The following EXD2 variants were observed in gnomAD, a reference collection of about 807,000 sequenced individuals.
EXD2 encodes exonuclease 3'-5' domain containing 2, also known as exonuclease 3'-5' domain-containing protein 2.
In EXD2, 40 loss-of-function variants were observed where a neutral mutation model predicts 62.5. The observed-to-expected ratio is 0.64, with a 90% CI of 0.50 to 0.83. The LOEUF (loss-of-function observed/expected upper bound fraction) is 0.83. Among genes scored for constraint, EXD2 ranks in the 40% least tolerant of loss-of-function variants. EXD2 has a pLI of 0.00. For synonymous variants in EXD2, 239 were observed against 291.9 expected (o/e 0.82, Z 1.85); for missense variants, 671 against 761.8 (o/e 0.88, Z 1.40).
chr14:69,208,355 C>T (rs560690863), intron 2 of EXD2, among the ~76,000 whole-genome samples: 57 of 149,646 alleles, frequency 3.8e-4, no homozygotes, highest in Non-Finnish European at 7.1e-4. Flanking sequence ...CGGCAACAGG[C>T]GCCCGCCACC....
intron 3 of EXD2, among the ~76,000 whole-genome samples, chr14:69,213,666 T>C (rs1339641382): frequency 6.7e-6 from 1 of 149,982 alleles, no homozygotes; most frequent in East Asian, 2.0e-4. Context: ...TCCAGCTGTA[T>C]TTACCTTTTT....
chr14:69,218,872 T>C (rs1685212226), intron 3 of EXD2, among the ~76,000 whole-genome samples: 1 of 152,236 alleles, frequency 6.6e-6, no homozygotes, highest in Admixed American at 6.5e-5. Context: ...TCTATATCTC[T>C]GTTTTGGTAC....
intron 7 of EXD2, 122 bp downstream of exon 7, chr14:69,236,274 G>T: frequency 6.6e-7 from 1 of 1,515,218 alleles, no homozygotes. Flanking sequence ...AGATGCATGG[G>T]ACTGGGTAGG....
In EXD2 at chr14:69,209,822, G is replaced by GT; in HGVS notation, c.333+21dup. Reference sequence around the variant, plus strand: ...TGAGTGGGTAAGTTAAAAAGCAAAAGTTAAAAAAAAAAAAAAAAAACAACT... The same window carrying GT: ...TGAGTGGGTAAGTTAAAAAGCAAAAGTTTAAAAAAAAAAAAAAAAAACAACT... On this transcript the variant is annotated intron_variant, in intron 3 of 9. Transcript: ENST00000685843. The GT allele has an allele frequency of 4.1e-6, 3 of 731,098 alleles. No individual in the cohort carries two copies. Among genetic ancestry groups the GT allele is most frequent in the South Asian group, 3.6e-5 (1 of 27,492 alleles). The allele number at this position is 731,098 out of a possible 1,614,324, so 45.3% of individuals were successfully genotyped here.
chr14:69,209,101 GT>G (rs1164501621), intron 2 of EXD2: 13 of 156,280 alleles, frequency 8.3e-5, no homozygotes, highest in East Asian at 5.6e-4. Context: ...CTAGCTTATT[GT>G]TTTTTTTTCT....
At position 69,240,892 on chromosome 14, in the gene EXD2, A is replaced by T; in HGVS notation, c.1658A>T (p.Asn553Ile). The T allele has an allele frequency of 6.2e-7, 1 of 1,611,938 alleles. No individual in the cohort carries two copies. Among genetic ancestry groups the T allele is most frequent in the East Asian group, 2.2e-5 (1 of 44,802 alleles). The change falls in exon 10 of 10, where the codon AAT becomes ATT. Residue 553 changes from asparagine to isoleucine, a missense_variant. Coordinates refer to ENST00000685843, the MANE Select transcript of EXD2 (RefSeq NM_001193360.2). ...TTTTCATGTTTTGGCAGAATCTCCA[A>T]TGAAAACTATGTTCCTCACGGGCTG... Reference protein sequence around the residue: ...EAASLETRISNENYVPHGLKV... With the variant: ...EAASLETRISIENYVPHGLKV...
chr14:69,240,948 C>T lies in EXD2; in HGVS notation c.1714C>T (p.Leu572=), dbSNP rs2043962360. The change falls in exon 10 of 10, where the codon CTG becomes TTG. Residue 572 remains leucine (L), a synonymous_variant. Transcript: ENST00000685843. ...KVVQCHSQGG[L]RSLMQLESRW... ...GGTGCAGTGTCACAGCCAGGGTGGC[C>T]TGCGCTCCCTCATGCAGCTGGAGAG... The T allele has an allele frequency of 6.2e-7, 1 of 1,613,640 alleles. No homozygotes were observed.
At chr14:69,206,316 G>C (rs1035846657) in intron 2 of EXD2, among the ~76,000 whole-genome samples, 2 of 152,062 alleles carry the variant, frequency 1.3e-5, no homozygotes, top group African/African-American at 2.4e-5. Flanking sequence ...CTGGTTTGTG[G>C]ATAGGGTGGC....
At position 69,243,864 on chromosome 14, in the gene EXD2, G is replaced by A. The variant is rs752084294; in HGVS notation, c.*2764G>A. The stretch of plus-strand genomic sequence containing the variant: ...CCTCTCTGCATGCTCCCTGATCATT[G>A]TGTTTGCAGGTTCAGCATTTCTTCT... On this transcript the variant is annotated 3_prime_UTR_variant, in exon 10 of 10. Coordinates refer to ENST00000685843, the MANE Select transcript of EXD2 (RefSeq NM_001193360.2). 1 of 152,068 alleles carries A rather than the reference G, an allele frequency of 6.6e-6. No individual in the cohort carries two copies. Among genetic ancestry groups the A allele is most frequent in the Admixed American group, 6.6e-5 (1 of 15,266 alleles). The allele number at this position is 152,068 out of a possible 1,614,324, so 9.4% of individuals were successfully genotyped here.
chr14:69,220,460 C>T (rs1375163557), intron 3 of EXD2, among the ~76,000 whole-genome samples: 6 of 147,254 alleles, frequency 4.1e-5, no homozygotes, highest in Admixed American at 1.3e-4. Flanking sequence ...TTAGTAGAGA[C>T]GGGGTTTCAC....
chr14:69,235,140 C>A, intron 6 of EXD2, 109 bp downstream of exon 6: 2 of 955,858 alleles, frequency 2.1e-6, no homozygotes, highest in Non-Finnish European at 3.0e-6. Flanking sequence ...GGAGCAGCAG[C>A]TCTCCCGGGG....
intron 3 of EXD2, among the ~76,000 whole-genome samples, chr14:69,212,354 G>GC (rs1731275829): frequency 6.6e-6 from 1 of 152,146 alleles, no homozygotes; most frequent in African/African-American, 2.4e-5. Flanking sequence ...TCCAACCTGA[G>GC]CGACAGAGCA....
chr14:69,203,318 C>T (rs1256061958), intron 1 of EXD2, among the ~76,000 whole-genome samples: 4 of 151,912 alleles, frequency 2.6e-5, no homozygotes, highest in Non-Finnish European at 5.9e-5. Flanking sequence ...TCAAGCAGTC[C>T]GCCTACCTCA....
chr14:69,209,866 AC>A, intron 3 of EXD2, 63 bp downstream of exon 3: 1 of 1,296,232 alleles, frequency 7.7e-7, no homozygotes, highest in African/African-American at 1.5e-5. Flanking sequence ...TCCAACTGGG[AC>A]CTTGGACAGT....
chr14:69,209,251 G>T (rs1189928880), intron 2 of EXD2, among the ~76,000 whole-genome samples, 173 bp from the exon 3 acceptor site: 2 of 152,142 alleles, frequency 1.3e-5, no homozygotes, highest in Non-Finnish European at 2.9e-5. Context: ...GGAATACAGA[G>T]ATTATAAAGA....
chr14:69,221,046 T>A (rs1017924394), intron 3 of EXD2, among the ~76,000 whole-genome samples: 1 of 152,066 alleles, frequency 6.6e-6, no homozygotes, highest in Non-Finnish European at 1.5e-5. Flanking sequence ...TTTTAATTTT[T>A]TTGTGGAGAT....
rs771563304 is a variant in EXD2, at chr14:69,241,121, A to G, written c.*21A>G. On this transcript the variant is annotated 3_prime_UTR_variant, in exon 10 of 10. Coordinates refer to ENST00000685843, the MANE Select transcript of EXD2 (RefSeq NM_001193360.2). ...CTTGATAGCTGCTTTCCTCCCAGTT[A>G]GGACAAGTGGGAAGCTGGAGCCAAG... 11 of 1,603,318 alleles carry G rather than the reference A, an allele frequency of 6.9e-6. No homozygotes were observed. The highest frequency in any genetic ancestry group is 5.0e-5 in the Admixed American group (3 of 59,762).
rs1415316945 is a variant in EXD2, at chr14:69,241,578, C to A, written c.*478C>A. 2 of 324,070 alleles carry A rather than the reference C, an allele frequency of 6.2e-6. No homozygotes were observed. The highest frequency in any genetic ancestry group is 1.1e-5 in the Non-Finnish European group (2 of 179,468). The allele number at this position is 324,070 out of a possible 1,614,324, so 20.1% of individuals were successfully genotyped here. On this transcript the variant is annotated 3_prime_UTR_variant, in exon 10 of 10. Transcript: ENST00000685843. ...GAACAAGGAGTCAAATTTATTTTCC[C>A]AATTCAACTTCATAATTATCATTTC...
intron 1 of EXD2, chr14:69,196,201 C>T (rs987840409): frequency 6.6e-6 from 1 of 152,208 alleles, no homozygotes; most frequent in Non-Finnish European, 1.5e-5. Context: ...TTCTCCTCCT[C>T]CTGTAAGGAC....
Sources: allele counts gnomAD v4.1 joint callset (sites outside exome capture counted in the v4.1 genomes callset), GRCh38; gene constraint gnomAD v4.1.1; transcripts MANE v1.5; gene names NCBI Gene and HGNC (gene_info 2026-07-23, HGNC 2026-07-21).